AASS: variants seen among roughly 807,000 people sequenced by gnomAD.
The protein encoded by AASS is alpha-aminoadipic semialdehyde synthase, mitochondrial.
A neutral mutation model predicts 105.4 loss-of-function variants in AASS; 86 were observed. That is an observed-to-expected ratio of 0.82 (90% CI 0.69 to 0.98). AASS has a LOEUF of 0.98. Ranked by LOEUF, AASS falls within the 50% of genes least tolerant of loss-of-function variation. The pLI is 0.00. For synonymous variants in AASS, 381 were observed against 394.8 expected (o/e 0.96, Z 0.41); for missense variants, 1,048 against 1,143.2 (o/e 0.92, Z 1.20).
chr7:122,124,103 C>A (rs1483165712), intron 4 of AASS, among the ~76,000 whole-genome samples: 1 of 152,084 alleles, frequency 6.6e-6, no homozygotes, highest in Non-Finnish European at 1.5e-5. Context: ...TATTTCTATT[C>A]CTCAAAACTA....
At chr7:122,127,256 C>T (rs948146864) in intron 3 of AASS, among the ~76,000 whole-genome samples, 1 of 152,096 alleles carries the variant, frequency 6.6e-6, no homozygotes, top group Non-Finnish European at 1.5e-5. Context: ...CCTTGAAAAC[C>T]TTTCCTCTCT....
intron 9 of AASS, 28 bp from the exon 10 acceptor site, chr7:122,113,748 G>A (rs778857500): frequency 2.5e-6 from 4 of 1,609,510 alleles, no homozygotes; most frequent in Non-Finnish European, 3.4e-6. Context: ...ACTTAGATGA[G>A]AGGATGAAAT....
At chr7:122,094,000 T>C (rs374673281) in intron 15 of AASS, among the ~76,000 whole-genome samples, 45 of 152,028 alleles carry the variant, frequency 3.0e-4, no homozygotes, top group African/African-American at 1.1e-3. Context: ...GAAAACCAAA[T>C]ACTGCAGGCT....
chr7:122,124,769 T>C (rs1449456861), intron 4 of AASS, among the ~76,000 whole-genome samples: 1 of 152,170 alleles, frequency 6.6e-6, no homozygotes, highest in Admixed American at 6.5e-5. Flanking sequence ...AACCCTCATC[T>C]GGATGAGTCC....
At chr7:122,127,724 C>CTGCCCTAAT (rs1408226657) in intron 3 of AASS, among the ~76,000 whole-genome samples, 1 of 152,148 alleles carries the variant, frequency 6.6e-6, no homozygotes, top group Non-Finnish European at 1.5e-5. Context: ...CTCCAATCCT[C>CTGCCCTAAT]TGCCCTAATC....
chr7:122,092,405 T>C (rs1317452655), intron 17 of AASS, among the ~76,000 whole-genome samples: 1 of 152,142 alleles, frequency 6.6e-6, no homozygotes, highest in East Asian at 1.9e-4. Context: ...TCTCCAAAAA[T>C]TGGTTGCTAC....
chr7:122,094,813 C>T (rs967875692), intron 15 of AASS, among the ~76,000 whole-genome samples: 1 of 151,910 alleles, frequency 6.6e-6, no homozygotes, highest in South Asian at 2.1e-4. Flanking sequence ...CCATGAAAGC[C>T]TATCTCCTCC....
intron 11 of AASS, among the ~76,000 whole-genome samples, chr7:122,111,900 T>C (rs1794955852): frequency 6.6e-6 from 1 of 152,006 alleles, no homozygotes; most frequent in South Asian, 2.1e-4. Flanking sequence ...CGAGAATCTG[T>C]CTCAAAAAAA....
chr7:122,079,970 T>C (rs887728954), intron 20 of AASS, among the ~76,000 whole-genome samples: 3 of 152,176 alleles, frequency 2.0e-5, no homozygotes, highest in Admixed American at 2.0e-4. Context: ...ACAAAACAGA[T>C]GGTGCAGTTC....
chr7:122,112,049 T>G (rs1428531482), intron 11 of AASS, among the ~76,000 whole-genome samples: 1 of 152,216 alleles, frequency 6.6e-6, no homozygotes, highest in Admixed American at 6.5e-5. Context: ...GCCTGGCATT[T>G]GTACTCTCCT....
chr7:122,081,746 C>T (rs1045231896), intron 19 of AASS, 151 bp from the exon 20 acceptor site: 5 of 632,774 alleles, frequency 7.9e-6, no homozygotes, highest in Non-Finnish European at 1.4e-5. Flanking sequence ...CTAGAATTTG[C>T]CTAGCAGGTT....
intron 4 of AASS, among the ~76,000 whole-genome samples, chr7:122,122,879 A>G (rs1435110152): frequency 3.3e-5 from 5 of 152,152 alleles, no homozygotes. Flanking sequence ...AACATTTATT[A>G]TAGCTGTTTT....
In AASS at chr7:122,076,502, G is replaced by C. The variant is rs1793016629; in HGVS notation, c.2768C>G (p.Thr923Arg). ...AEGIIYTTQS[T>R]IKP ...TATAATTCCCAATTATGGTTTAATT[G>C]TACTCTGTGTAGTATATATAATGCC... The change falls in exon 24 of 24, where the codon ACA becomes AGA. Residue 923 changes from threonine (T) to arginine (R), a missense_variant. Thr to Arg is a moderately conservative substitution (Grantham distance 71, BLOSUM62 -1). Transcript: ENST00000417368. 6.2e-7 allele frequency: 1 copy of C among 1,609,108 alleles called. No homozygotes were observed.
chr7:122,085,068 G>A (rs1793558351), intron 19 of AASS, among the ~76,000 whole-genome samples: 1 of 152,240 alleles, frequency 6.6e-6, no homozygotes, highest in East Asian at 1.9e-4. Flanking sequence ...GATTTAGGGT[G>A]AACCCTAAGT....
intron 17 of AASS, 142 bp from the exon 18 acceptor site, chr7:122,091,985 T>G: frequency 1.6e-6 from 1 of 630,054 alleles, no homozygotes; most frequent in South Asian, 2.0e-5. Flanking sequence ...CAAAAATACA[T>G]CTTCAAAGCA....
At chr7:122,078,219 T>C (rs1793118788) in intron 22 of AASS, among the ~76,000 whole-genome samples, 1 of 152,058 alleles carries the variant, frequency 6.6e-6, no homozygotes, top group Non-Finnish European at 1.5e-5. Flanking sequence ...TTTATCCGGA[T>C]TCATGTCACC....
At chr7:122,127,563 T>C (rs772034617) in intron 3 of AASS, among the ~76,000 whole-genome samples, 22 of 152,190 alleles carry the variant, frequency 1.4e-4, no homozygotes, top group Non-Finnish European at 2.4e-4. Flanking sequence ...ATTCTTCCTA[T>C]AGTATTATTT....
chr7:122,117,094 A>G, intron 6 of AASS, 137 bp from the exon 7 acceptor site: 1 of 773,944 alleles, frequency 1.3e-6, no homozygotes, highest in East Asian at 2.6e-5. Context: ...GCAACACAGA[A>G]ATACAGATGA....
At chr7:122,082,898 GA>G (rs1407040300) in intron 19 of AASS, 1 of 1,261,132 alleles carries the variant, frequency 7.9e-7, no homozygotes, top group Middle Eastern at 2.2e-4. Flanking sequence ...ATCCCTAAAA[GA>G]GAACAAATGG....
Sources: allele counts gnomAD v4.1 joint callset (sites outside exome capture counted in the v4.1 genomes callset), GRCh38; gene constraint gnomAD v4.1.1; transcripts MANE v1.5; gene names NCBI Gene and HGNC (gene_info 2026-07-23, HGNC 2026-07-21).